The following STX7 variants were observed in gnomAD, a reference collection of about 807,000 sequenced individuals.
STX7 encodes syntaxin 7, also known as syntaxin-7.
In STX7, 34 loss-of-function variants were observed where a neutral mutation model predicts 39.6. The ratio of observed to expected loss-of-function variants is 0.86; its 90% CI spans 0.65 to 1.14. STX7 has a LOEUF of 1.14. Ranked by LOEUF, STX7 falls within the 50% of genes most tolerant of loss-of-function variation. The pLI, the probability that STX7 is intolerant of heterozygous loss-of-function variation, is 0.00. For synonymous variants in STX7, 119 were observed against 99.1 expected, an observed-to-expected ratio of 1.20 and a Z score of -1.19; for missense variants, 284 against 310.4, an observed-to-expected ratio of 0.92 and a Z score of 0.64.
chr6:132,487,525 A>G (rs1332712139), intron 2 of STX7, among the ~76,000 whole-genome samples: 3 of 152,184 alleles, frequency 2.0e-5, no homozygotes, highest in Non-Finnish European at 4.4e-5. Flanking sequence ...TACCTAATGC[A>G]TGTGGGACTT....
At position 132,451,122 on chromosome 6, in the gene STX7, G is replaced by C. The variant is rs992317556; in HGVS notation, c.*9636C>G. 1.3e-5 allele frequency: 2 copies of C among 150,250 alleles called. No individual in the cohort carries two copies. Among genetic ancestry groups the C allele is most frequent in the Non-Finnish European group, 3.0e-5 (2 of 67,660 alleles). 9.3% of individuals were successfully genotyped at this position (150,250 alleles called of 1,614,324 possible). A position where few individuals can be genotyped will look rare whatever the true frequency, so the allele number is the denominator to read the frequency against. ...TTTCCTTTTTTTTTTTTTTGACAAG[G>C]AGTCTCGTTCTGTTGCTCAGACTGG... On this transcript the variant is annotated 3_prime_UTR_variant, in exon 10 of 10. Transcript: ENST00000367941.
chr6:132,460,668 G>T lies in STX7; in HGVS notation c.*90C>A. 1.9e-6 allele frequency: 2 copies of T among 1,048,076 alleles called. No individual in the cohort carries two copies. Among genetic ancestry groups the T allele is most frequent in the Non-Finnish European group, 2.8e-6 (2 of 720,486 alleles). The allele number at this position is 1,048,076 out of a possible 1,614,324, so 64.9% of individuals were successfully genotyped here. A position where few individuals can be genotyped will look rare whatever the true frequency, so the allele number is the denominator to read the frequency against. On this transcript the variant is annotated 3_prime_UTR_variant, in exon 10 of 10. Coordinates refer to ENST00000367941, the MANE Select transcript of STX7 (RefSeq NM_003569.3). ...TATGGGAACCATCCTTTATACAATA[G>T]CTTTAAAATAATAATTAAAAAAACA...
rs187742721 is a variant in STX7 at position 132,451,284 on chromosome 6, C to T, written c.*9474G>A. 2.0e-5 allele frequency: 3 copies of T among 152,026 alleles called. No individual in the cohort carries two copies. Among genetic ancestry groups the T allele is most frequent in the Admixed American group, 1.3e-4 (2 of 15,256 alleles). 9.4% of individuals were successfully genotyped at this position (152,026 alleles called of 1,614,324 possible). On this transcript the variant is annotated 3_prime_UTR_variant, in exon 10 of 10. Coordinates refer to ENST00000367941, the MANE Select transcript of STX7 (RefSeq NM_003569.3). ...CTAATTTTTGTATTTTTAGTAGAGG[C>T]GGGGTTTCGCCATGTTAGCCAGGCT...
rs568669578 is a variant in STX7, at chr6:132,458,888, C to A, written c.*1870G>T. On this transcript the variant is annotated 3_prime_UTR_variant, in exon 10 of 10. Transcript: ENST00000367941. ...ACTTCAAATAAAGGTACTAAAATCACGCCCCCCAAATTTGTAAGCGCTTTT... is the reference window on the plus strand; with the variant it reads ...ACTTCAAATAAAGGTACTAAAATCAAGCCCCCCAAATTTGTAAGCGCTTTT... 1 of 151,934 alleles carries A rather than the reference C, an allele frequency of 6.6e-6. No individual in the cohort carries two copies. The highest frequency in any genetic ancestry group is 1.9e-4 in the East Asian group (1 of 5,184). The allele number at this position is 151,934 out of a possible 1,614,324, so 9.4% of individuals were successfully genotyped here.
intron 3 of STX7, among the ~76,000 whole-genome samples, chr6:132,472,578 T>C (rs1774756820): frequency 6.6e-6 from 1 of 152,216 alleles, no homozygotes; most frequent in Admixed American, 6.5e-5. Context: ...GGTTCTTCAC[T>C]CACACAGGGT....
At chr6:132,471,796 T>C (rs1209070925) in intron 4 of STX7, among the ~76,000 whole-genome samples, 196 bp from the exon 5 acceptor site, 2 of 152,250 alleles carry the variant, frequency 1.3e-5, no homozygotes, top group East Asian at 3.8e-4. Context: ...AGACCCATTA[T>C]GCTGGATTTC....
intron 1 of STX7, among the ~76,000 whole-genome samples, chr6:132,511,599 G>C (rs1006291871): frequency 2.6e-5 from 4 of 152,248 alleles, no homozygotes; most frequent in Admixed American, 6.5e-5. Flanking sequence ...CTGGTGCATA[G>C]TAAATGCTCA....
chr6:132,509,975 G>A (rs6909378), intron 1 of STX7, among the ~76,000 whole-genome samples: 12,271 of 152,116 alleles, frequency 0.081, 663 homozygotes, highest in East Asian at 0.17. Context: ...CTATTTAATT[G>A]CTCAGAATAA....
chr6:132,476,845 G>A (rs1774888684), intron 2 of STX7, among the ~76,000 whole-genome samples: 1 of 151,894 alleles, frequency 6.6e-6, no homozygotes, highest in South Asian at 2.1e-4. Context: ...TATGTATGTG[G>A]GGACATAAAT....
In STX7 at chr6:132,446,687, T is replaced by C. The variant is rs1774020973; in HGVS notation, c.*14071A>G. On this transcript the variant is annotated 3_prime_UTR_variant, in exon 10 of 10. Transcript: ENST00000367941. ...ATCTTCCATCACAGTATTAAAATGT[T>C]TTTTATGAACATGAGCATCTGGCTG... 6.6e-6 allele frequency: 1 copy of C among 152,176 alleles called. No individual in the cohort carries two copies. Among genetic ancestry groups the C allele is most frequent in the Non-Finnish European group, 1.5e-5 (1 of 68,040 alleles). The allele number at this position is 152,176 out of a possible 1,614,324, so 9.4% of individuals were successfully genotyped here. A position where few individuals can be genotyped will look rare whatever the true frequency, so the allele number is the denominator to read the frequency against.
intron 3 of STX7, chr6:132,475,330 G>C (rs886383821): frequency 4.5e-5 from 10 of 224,268 alleles, no homozygotes; most frequent in Non-Finnish European, 8.6e-5. Context: ...CACCATATTG[G>C]CCAGGTTGGT....
chr6:132,470,741 G>GTGTGTA (rs1408589648), intron 5 of STX7, 115 bp from the exon 6 acceptor site: 2 of 608,866 alleles, frequency 3.3e-6, no homozygotes, highest in Non-Finnish European at 5.8e-6. Flanking sequence ...GTACGTGTCT[G>GTGTGTA]TGTGTATGTG....
intron 8 of STX7, among the ~76,000 whole-genome samples, chr6:132,466,899 T>A (rs1774578474): frequency 6.6e-6 from 1 of 152,214 alleles, no homozygotes; most frequent in African/African-American, 2.4e-5. Flanking sequence ...AAATTAACTC[T>A]TTCTTTCACA....
In STX7 at chr6:132,507,712, AT is replaced by A. The variant is rs1307548484; in HGVS notation, c.-58-4125del. ...ATATTCCAAGGTATGGAGAAAGACA[AT>A]TTTCTCTTGGTTCAATGACATCTTC... On this transcript the variant is annotated intron_variant, in intron 1 of 9. Transcript: ENST00000367941. 1.3e-5 allele frequency among the ~76,000 whole-genome samples: 2 copies of A among 152,150 alleles called. 1 individual carries two copies. The highest frequency in any genetic ancestry group is 4.1e-4 in the South Asian group (2 of 4,828).
At chr6:132,495,808 T>C (rs1483102944) in intron 2 of STX7, among the ~76,000 whole-genome samples, 1 of 152,132 alleles carries the variant, frequency 6.6e-6, no homozygotes, top group Admixed American at 6.6e-5. Context: ...TAATTTCATC[T>C]CAAAGAACCT....
At chr6:132,502,768 G>A (rs940892211) in intron 2 of STX7, among the ~76,000 whole-genome samples, 4 of 151,980 alleles carry the variant, frequency 2.6e-5, no homozygotes, top group Admixed American at 1.3e-4. Context: ...GCGTGGTGGC[G>A]GGCGCCTGTA....
chr6:132,460,067 TC>T lies in STX7; in HGVS notation c.*690del, dbSNP rs1298307822. 1 of 152,156 alleles carries T rather than the reference TC, an allele frequency of 6.6e-6. No homozygotes were observed. Among genetic ancestry groups the T allele is most frequent in the Non-Finnish European group, 1.5e-5 (1 of 68,010 alleles). 9.4% of individuals were successfully genotyped at this position (152,156 alleles called of 1,614,324 possible). ...TTAAACATTTTTAGTAACTACACTT[TC>T]CCCCGTAAACATCAGACTTAAATAG... is the stretch of plus-strand genomic sequence containing the variant. On this transcript the variant is annotated 3_prime_UTR_variant, in exon 10 of 10. Transcript: ENST00000367941.
In STX7 at chr6:132,446,113, C is replaced by A. The variant is rs778793277; in HGVS notation, c.*14645G>T. The A allele has an allele frequency of 2.6e-5, 4 of 152,190 alleles. No individual in the cohort carries two copies. The highest frequency in any genetic ancestry group is 5.9e-5 in the Non-Finnish European group (4 of 68,032). 9.4% of individuals were successfully genotyped at this position (152,190 alleles called of 1,614,324 possible). A position where few individuals can be genotyped will look rare whatever the true frequency, so the allele number is the denominator to read the frequency against. ...GCCCTCCTGCAAGAACATGCAGTTT[C>A]CCAAACAGTAACCTCTCTTTACAAG... On this transcript the variant is annotated 3_prime_UTR_variant, in exon 10 of 10. Coordinates refer to ENST00000367941, the MANE Select transcript of STX7 (RefSeq NM_003569.3).
intron 2 of STX7, among the ~76,000 whole-genome samples, chr6:132,500,213 CT>C (rs1775523058): frequency 8.7e-6 from 1 of 114,662 alleles, no homozygotes; most frequent in African/African-American, 3.3e-5. Flanking sequence ...CTGATTATGT[CT>C]CTCCTCTGCT....
Sources: allele counts gnomAD v4.1 joint callset (sites outside exome capture counted in the v4.1 genomes callset), GRCh38; gene constraint gnomAD v4.1.1; transcripts MANE v1.5; gene names NCBI Gene and HGNC (gene_info 2026-07-23, HGNC 2026-07-21).